The following IDE variants were observed in gnomAD, a reference collection of about 807,000 sequenced individuals.
The protein encoded by IDE is insulin degrading enzyme, also known as insulin-degrading enzyme.
IDE carries 58 observed loss-of-function variants against 133.2 expected under a neutral mutation model. That is an observed-to-expected ratio of 0.44 (90% CI 0.35 to 0.54). IDE has a LOEUF of 0.54. IDE is among the 20% of genes least tolerant of loss of function. IDE has a pLI of 0.00. For missense variants in IDE, 981 were observed against 1,234.0 expected (o/e 0.79, Z 3.07); for synonymous variants, 396 against 421.3 (o/e 0.94, Z 0.73).
intron 17 of IDE, among the ~76,000 whole-genome samples, chr10:92,472,038 G>C (rs142300143): frequency 6.6e-6 from 1 of 152,298 alleles, no homozygotes; most frequent in East Asian, 1.9e-4. Flanking sequence ...GAATGATTTA[G>C]AGTCACTGAA....
chr10:92,559,467 C>T (rs1038059584), intron 1 of IDE, among the ~76,000 whole-genome samples: 1 of 152,094 alleles, frequency 6.6e-6, no homozygotes, highest in African/African-American at 2.4e-5. Context: ...TGACACATAC[C>T]TCAATATGAA....
intron 1 of IDE, among the ~76,000 whole-genome samples, chr10:92,552,576 T>C (rs1842833263): frequency 6.6e-6 from 1 of 152,144 alleles, no homozygotes; most frequent in African/African-American, 2.4e-5. Flanking sequence ...GATTATTTTC[T>C]GCTCAGGTGA....
intron 4 of IDE, among the ~76,000 whole-genome samples, chr10:92,523,394 AAAAG>A: frequency 6.6e-6 from 1 of 152,046 alleles, no homozygotes; most frequent in Non-Finnish European, 1.5e-5. Context: ...GAAAGAAAAG[AAAAG>A]AAAGAAATTT....
rs1847504787 is a variant in IDE at position 92,493,594 on chromosome 10, A to G, written c.1431-2999T>C. 5.3e-5 allele frequency among the ~76,000 whole-genome samples: 8 copies of G among 152,238 alleles called. No homozygotes were observed. In the South Asian group the frequency reaches 1.7e-3, roughly 32 times the overall value. On this transcript the variant is annotated intron_variant, in intron 11 of 24. Coordinates refer to ENST00000265986, the MANE Select transcript of IDE (RefSeq NM_004969.4). ...GTGCAGTAATGCTCAGGTTAAAAAA[A>G]AAAAAGGAGGGGAAAAAGGCAGACT...
At chr10:92,568,449 A>G (rs1843650170) in intron 1 of IDE, among the ~76,000 whole-genome samples, 1 of 152,250 alleles carries the variant, frequency 6.6e-6, no homozygotes, top group African/African-American at 2.4e-5. Context: ...AATAAAACTA[A>G]ACAATATACT....
intron 5 of IDE, among the ~76,000 whole-genome samples, chr10:92,512,941 TCAC>T (rs200350369): frequency 0.07 from 10,641 of 152,108 alleles, 438 homozygotes; most frequent in Middle Eastern, 0.18. Flanking sequence ...CAATTAAACC[TCAC>T]AACAGGTACA....
intron 1 of IDE, among the ~76,000 whole-genome samples, chr10:92,564,116 C>T (rs753312886): frequency 2.0e-5 from 3 of 152,094 alleles, no homozygotes; most frequent in Non-Finnish European, 4.4e-5. Context: ...AAGTTATCTC[C>T]CATGTAGTCT....
At position 92,531,768 on chromosome 10, in the gene IDE, G is replaced by A. The variant is rs773938511; in HGVS notation, c.641C>T (p.Pro214Leu). 1.9e-6 allele frequency: 3 copies of A among 1,587,722 alleles called. No individual in the cohort carries two copies. The highest frequency in any genetic ancestry group is 1.2e-5 in the South Asian group (1 of 86,186). Residue 214 changes from proline (P) to leucine (L), a missense_variant, in exon 4 of 25, where the codon CCC becomes CTC. By Grantham distance (98) the Pro-to-Leu change is moderately conservative. Around this residue, in one of 2 missense-constraint regions of IDE, gnomAD observed 321 missense variants for 339.3 expected, o/e 0.95. Coordinates refer to ENST00000265986, the MANE Select transcript of IDE (RefSeq NM_004969.4). ...LEKATGNPKH[P>L]FSKFGTGNKY... is the part of the protein sequence containing the mutation. ...CAAACCTGTCCCAAATTTACTGAAG[G>A]GGTGTTTAGGATTCCCTGTAGCTTT...
At chr10:92,513,003 CTAAG>C (rs997805602) in intron 5 of IDE, among the ~76,000 whole-genome samples, 3 of 152,100 alleles carry the variant, frequency 2.0e-5, no homozygotes, top group African/African-American at 7.2e-5. Flanking sequence ...TTTGAAAAAC[CTAAG>C]TAAGTTTGTT....
At chr10:92,491,809 C>T (rs1193668728) in intron 11 of IDE, among the ~76,000 whole-genome samples, 1 of 151,870 alleles carries the variant, frequency 6.6e-6, no homozygotes, top group Non-Finnish European at 1.5e-5. Flanking sequence ...CAGGGTTTCA[C>T]CATGTTGGCC....
chr10:92,464,239 C>T, intron 20 of IDE, among the ~76,000 whole-genome samples: 1 of 150,560 alleles, frequency 6.6e-6, no homozygotes, highest in South Asian at 2.1e-4. Flanking sequence ...GGAAAAAAAT[C>T]CTATTCATTA....
chr10:92,566,975 A>G (rs1250076447), intron 1 of IDE, among the ~76,000 whole-genome samples: 1 of 152,196 alleles, frequency 6.6e-6, no homozygotes, highest in Non-Finnish European at 1.5e-5. Flanking sequence ...AGCAAAACAA[A>G]TAAGAAACCC....
intron 23 of IDE, among the ~76,000 whole-genome samples, chr10:92,455,924 C>T (rs970373534): frequency 9.9e-5 from 15 of 152,122 alleles, no homozygotes; most frequent in African/African-American, 3.6e-4. Flanking sequence ...TCTGTCCACC[C>T]AGAAGGACCT....
At chr10:92,509,862 A>G (rs1848489794) in intron 6 of IDE, among the ~76,000 whole-genome samples, 188 bp downstream of exon 6, 1 of 148,958 alleles carries the variant, frequency 6.7e-6, no homozygotes. Flanking sequence ...TTGAGGCTTC[A>G]GTGAGCCATG....
intron 11 of IDE, among the ~76,000 whole-genome samples, chr10:92,503,689 G>A (rs1027861066): frequency 1.3e-5 from 2 of 151,608 alleles, no homozygotes; most frequent in Non-Finnish European, 2.9e-5. Flanking sequence ...ACTAGGAAAA[G>A]ATTCTGATAG....
chr10:92,479,470 T>A, intron 14 of IDE, 49 bp from the exon 15 acceptor site: 1 of 1,446,740 alleles, frequency 6.9e-7, no homozygotes, highest in Non-Finnish European at 9.7e-7. Context: ...TACTTCTCAA[T>A]GTGATATGGC....
intron 4 of IDE, among the ~76,000 whole-genome samples, chr10:92,528,502 C>A (rs1349439201): frequency 6.6e-6 from 1 of 150,550 alleles, no homozygotes; most frequent in African/African-American, 2.4e-5. Context: ...TGCCAGACTA[C>A]ATCCCATGAT....
At chr10:92,470,005 C>T (rs1394536912) in intron 18 of IDE, among the ~76,000 whole-genome samples, 9 of 152,078 alleles carry the variant, frequency 5.9e-5, no homozygotes, top group Non-Finnish European at 1.3e-4. Context: ...GATAATTACT[C>T]CCATTTCCTC....
In IDE at chr10:92,455,650, G is replaced by C. The variant is rs1844963602; in HGVS notation, c.2897-7C>G. 4 of 1,524,258 alleles carry C rather than the reference G, an allele frequency of 2.6e-6. No individual in the cohort carries two copies. In the East Asian group the frequency reaches 9.1e-5, roughly 35 times the overall value. The allele number at this position is 1,524,258 out of a possible 1,614,324, so 94.4% of individuals were successfully genotyped here. On this transcript the variant is annotated splice_polypyrimidine_tract_variant and splice_region_variant and intron_variant, in intron 23 of 24. Transcript: ENST00000265986. The stretch of plus-strand genomic sequence containing the variant: ...AACTCTCCAACAACAGGACCTATAA[G>C]AAAATAAAAGGTTTAATACTTTGTA...
Sources: gnomAD v4.1 joint callset for allele counts (sites outside exome capture counted in the v4.1 genomes callset) on GRCh38, gnomAD v4.1.1 for gene constraint, gnomAD v4.1.1 regional missense constraint, MANE v1.5 for transcripts, NCBI Gene and HGNC (gene_info 2026-07-23, HGNC 2026-07-21) for gene names.